CLSTN2: variants seen among roughly 807,000 people sequenced by gnomAD.
The protein encoded by CLSTN2 is calsyntenin 2.
A neutral mutation model predicts 101.2 loss-of-function variants in CLSTN2; 48 were observed. That is an observed-to-expected ratio of 0.47 (90% CI 0.38 to 0.60). CLSTN2 has a LOEUF of 0.60. CLSTN2 is among the 20% of genes least tolerant of loss of function. The probability of loss-of-function intolerance (pLI) is 0.00; values close to 1 mark genes in which losing one functional copy is unlikely to be tolerated. For synonymous variants in CLSTN2, 481 were observed against 463.6 expected (o/e 1.04, Z -0.48); for missense variants, 1,160 against 1,238.2 (o/e 0.94, Z 0.95).
chr3:140,497,867 G>A (rs1276167426), intron 8 of CLSTN2, among the ~76,000 whole-genome samples: 1 of 152,154 alleles, frequency 6.6e-6, no homozygotes, highest in Non-Finnish European at 1.5e-5. Context: ...AAACATCTAT[G>A]GAAGAAGCCT....
chr3:140,563,840 C>A, intron 15 of CLSTN2, 121 bp from the exon 16 acceptor site: 1 of 946,488 alleles, frequency 1.1e-6, no homozygotes, highest in South Asian at 1.5e-5. Flanking sequence ...CTCTAGAGTT[C>A]TACAGCTGGG....
intron 2 of CLSTN2, among the ~76,000 whole-genome samples, chr3:140,344,511 A>G (rs1008949240): frequency 8.5e-5 from 13 of 152,286 alleles, no homozygotes; most frequent in African/African-American, 3.1e-4. Flanking sequence ...TCCCTTTTCT[A>G]TAAGTGCCAT....
chr3:140,522,437 T>G (rs1460732835), intron 8 of CLSTN2, among the ~76,000 whole-genome samples: 2 of 152,236 alleles, frequency 1.3e-5, no homozygotes, highest in African/African-American at 2.4e-5. Flanking sequence ...CCAATCCTCC[T>G]GGTAAACAGC....
intron 1 of CLSTN2, among the ~76,000 whole-genome samples, chr3:140,016,627 C>T (rs897805082): frequency 2.6e-5 from 4 of 151,458 alleles, no homozygotes; most frequent in Admixed American, 6.6e-5. Flanking sequence ...GGTGAAACCC[C>T]GTCTCTGCTA....
intron 1 of CLSTN2, among the ~76,000 whole-genome samples, chr3:140,084,675 T>C (rs1307679056): frequency 6.6e-6 from 1 of 152,220 alleles, no homozygotes; most frequent in African/African-American, 2.4e-5. Flanking sequence ...CACACTGATA[T>C]GGGATATAAC....
rs1234342644 is a variant in CLSTN2 at position 140,167,403 on chromosome 3, G to T, written c.110-8548G>T. Reference sequence around the variant, plus strand: ...TACTTTCTCCAGGAAGTAATCCTGGGTTAGCTTGACTGAGTTAGCACTTCT... The same window carrying T: ...TACTTTCTCCAGGAAGTAATCCTGGTTTAGCTTGACTGAGTTAGCACTTCT... On this transcript the variant is annotated intron_variant, in intron 1 of 16. Transcript: ENST00000458420. Among the ~76,000 whole-genome samples the T allele has an allele frequency of 7.2e-5, 11 of 152,258 alleles. No individual in the cohort carries two copies. The East Asian group carries it at 1.4e-3, about 19-fold the overall frequency.
chr3:140,518,937 TC>T (rs2107772290), intron 8 of CLSTN2, among the ~76,000 whole-genome samples: 1 of 152,368 alleles, frequency 6.6e-6, no homozygotes, highest in African/African-American at 2.4e-5. Context: ...TAACTTGATA[TC>T]TTTCTAGCTT....
chr3:140,444,513 A>G (rs377079512), intron 5 of CLSTN2, among the ~76,000 whole-genome samples: 4 of 151,944 alleles, frequency 2.6e-5, no homozygotes, highest in South Asian at 4.1e-4. Flanking sequence ...ATTAAGATAC[A>G]CTCCCCCACT....
chr3:140,490,526 A>G (rs1934333235), intron 8 of CLSTN2, among the ~76,000 whole-genome samples: 1 of 149,222 alleles, frequency 6.7e-6, no homozygotes, highest in Non-Finnish European at 1.5e-5. Flanking sequence ...AATGTGACAC[A>G]TCGGGCTGCA....
intron 1 of CLSTN2, among the ~76,000 whole-genome samples, chr3:140,149,001 C>T (rs751648680): frequency 2.6e-5 from 4 of 152,108 alleles, no homozygotes; most frequent in Non-Finnish European, 5.9e-5. Flanking sequence ...GGTCCTTGAG[C>T]CTGCTGGGCA....
At chr3:140,146,330 G>C (rs1169582613) in intron 1 of CLSTN2, among the ~76,000 whole-genome samples, 1 of 152,244 alleles carries the variant, frequency 6.6e-6, no homozygotes, top group Non-Finnish European at 1.5e-5. Context: ...AACACAGGTT[G>C]TTTTTCTTAG....
At chr3:140,397,402 A>C (rs1430508742) in intron 2 of CLSTN2, among the ~76,000 whole-genome samples, 1 of 152,334 alleles carries the variant, frequency 6.6e-6, no homozygotes, top group African/African-American at 2.4e-5. Flanking sequence ...ATAATTTCTT[A>C]AAGATTAGGT....
At chr3:140,425,893 G>A (rs1229234839) in intron 5 of CLSTN2, among the ~76,000 whole-genome samples, 1 of 152,212 alleles carries the variant, frequency 6.6e-6, no homozygotes, top group Non-Finnish European at 1.5e-5. Flanking sequence ...GAAGAGGATG[G>A]CTCAAAGCAT....
intron 2 of CLSTN2, among the ~76,000 whole-genome samples, chr3:140,365,511 T>C (rs1469501296): frequency 6.6e-6 from 1 of 152,146 alleles, no homozygotes; most frequent in Non-Finnish European, 1.5e-5. Context: ...CCCTGTACCA[T>C]TGAATAGTCC....
intron 1 of CLSTN2, among the ~76,000 whole-genome samples, chr3:140,129,344 C>A (rs2009486368): frequency 6.6e-6 from 1 of 152,090 alleles, no homozygotes; most frequent in Admixed American, 6.6e-5. Flanking sequence ...GTCCACATAG[C>A]CGCAGAAAAA....
At chr3:140,082,832 G>A (rs1217147398) in intron 1 of CLSTN2, among the ~76,000 whole-genome samples, 2 of 152,156 alleles carry the variant, frequency 1.3e-5, no homozygotes, top group East Asian at 3.9e-4. Context: ...TTGCTTCAGT[G>A]AACTCACACC....
At chr3:140,291,428 A>C (rs2086951540) in intron 2 of CLSTN2, among the ~76,000 whole-genome samples, 1 of 149,616 alleles carries the variant, frequency 6.7e-6, no homozygotes. Flanking sequence ...CTCTCCCATC[A>C]CTCAGCAATG....
chr3:140,298,862 A>T (rs2087027741), intron 2 of CLSTN2, among the ~76,000 whole-genome samples: 1 of 152,204 alleles, frequency 6.6e-6, no homozygotes, highest in African/African-American at 2.4e-5. Context: ...CACCTTGAAG[A>T]GGCAAGGAAG....
At chr3:140,126,072 G>T (rs1237734782) in intron 1 of CLSTN2, among the ~76,000 whole-genome samples, 2 of 152,108 alleles carry the variant, frequency 1.3e-5, no homozygotes, top group African/African-American at 4.8e-5. Flanking sequence ...ATGTGGGGTT[G>T]GTTCAGTGGT....
Sources: allele counts gnomAD v4.1 joint callset (sites outside exome capture counted in the v4.1 genomes callset), GRCh38; gene constraint gnomAD v4.1.1; transcripts MANE v1.5; gene names NCBI Gene and HGNC (gene_info 2026-07-23, HGNC 2026-07-21).